RASGEF1B: variants seen among roughly 807,000 people sequenced by gnomAD.
RASGEF1B encodes the protein ras-GEF domain-containing family member 1B.
In RASGEF1B, 30 loss-of-function variants were observed where a neutral mutation model predicts 65.7. The ratio of observed to expected loss-of-function variants is 0.46; its 90% confidence interval spans 0.34 to 0.62. The LOEUF (loss-of-function observed/expected upper bound fraction) is 0.62, where lower values mean the gene tolerates loss of function less well. Among genes scored for constraint, RASGEF1B ranks in the 20% least tolerant of loss-of-function variants. The pLI, the probability that RASGEF1B is intolerant of heterozygous loss-of-function variation, is 0.01. For missense variants in RASGEF1B, 495 were observed against 580.1 expected (o/e 0.85, Z 1.51); for synonymous variants, 175 against 194.8 (o/e 0.90, Z 0.85).
intron 13 of RASGEF1B, 90 bp downstream of exon 13, chr4:81,432,209 A>G (rs1185480085): frequency 2.1e-5 from 16 of 775,860 alleles, no homozygotes; most frequent in Non-Finnish European, 3.3e-5. Context: ...GAACAGATAG[A>G]CAGCAGCTTC....
At chr4:81,452,294 G>C (rs1318665162) in intron 4 of RASGEF1B, 1 of 152,200 alleles carries the variant, frequency 6.6e-6, no homozygotes, top group East Asian at 1.9e-4. Flanking sequence ...ATCTTTGGTA[G>C]AAATGGGGTT....
chr4:81,441,185 G>A lies in RASGEF1B; in HGVS notation c.1009-256C>T, dbSNP rs556587988. On this transcript the variant is annotated intron_variant, in intron 9 of 13. Transcript: ENST00000264400. Reference sequence around the variant, plus strand: ...AAACCGCATTCTTTCTAGGCTAATTGTTGAGCTTAGATGTAAAACAAATAA... The same window carrying A: ...AAACCGCATTCTTTCTAGGCTAATTATTGAGCTTAGATGTAAAACAAATAA... 2.8e-4 allele frequency among the ~76,000 whole-genome samples: 43 copies of A among 152,246 alleles called. No homozygotes were observed. In the South Asian group the frequency reaches 7.7e-3, roughly 27 times the overall value.
intron 1 of RASGEF1B, among the ~76,000 whole-genome samples, chr4:81,468,200 A>C (rs569807565): frequency 6.6e-6 from 1 of 152,330 alleles, no homozygotes; most frequent in Non-Finnish European, 1.5e-5. Context: ...TTCTACACCT[A>C]ATTCATCTCA....
chr4:81,468,440 A>G (rs937361086), intron 1 of RASGEF1B, among the ~76,000 whole-genome samples: 1 of 152,204 alleles, frequency 6.6e-6, no homozygotes, highest in Non-Finnish European at 1.5e-5. Context: ...GTTTCCTAAT[A>G]AAGTTTGAAT....
Position 81,430,129 on chromosome 4 carries a change from G to A in RASGEF1B, c.1397+2170C>T, listed in dbSNP as rs568377636. 5.9e-5 allele frequency among the ~76,000 whole-genome samples: 9 copies of A among 152,242 alleles called. No individual in the cohort carries two copies. In the East Asian group the frequency reaches 7.8e-4, roughly 13 times the overall value. ...ATCCTGGCTAACATGGTGAAACCCC[G>A]TCTGTACTAAAGATACAAAAAATTA... is the stretch of plus-strand genomic sequence containing the variant. On this transcript the variant is annotated intron_variant, in intron 13 of 13. Coordinates refer to ENST00000264400, the MANE Select transcript of RASGEF1B (RefSeq NM_152545.3).
At chr4:81,442,889 C>T (rs1443832057) in intron 8 of RASGEF1B, among the ~76,000 whole-genome samples, 5 of 152,228 alleles carry the variant, frequency 3.3e-5, no homozygotes, top group Admixed American at 6.5e-5. Context: ...AAACCAGTGA[C>T]GGACCATATT....
chr4:81,454,392 T>C (rs1722372593), intron 4 of RASGEF1B: 2 of 152,212 alleles, frequency 1.3e-5, no homozygotes, highest in Admixed American at 1.3e-4. Context: ...ATAAGATGAC[T>C]GACATATAAT....
At chr4:81,455,521 T>C (rs1015928018) in intron 4 of RASGEF1B, 14 of 152,200 alleles carry the variant, frequency 9.2e-5, no homozygotes, top group Admixed American at 2.0e-4. Context: ...TAATGGAAAA[T>C]GCATTTTAAG....
intron 1 of RASGEF1B, among the ~76,000 whole-genome samples, chr4:81,468,894 C>T (rs1313303661): frequency 2.6e-5 from 4 of 152,172 alleles, no homozygotes; most frequent in Non-Finnish European, 4.4e-5. Flanking sequence ...GTTTTATAGA[C>T]ACTGCAGGCA....
chr4:81,430,519 A>C (rs1373004332), intron 13 of RASGEF1B, among the ~76,000 whole-genome samples: 1 of 152,174 alleles, frequency 6.6e-6, no homozygotes, highest in Non-Finnish European at 1.5e-5. Context: ...CAAGAGCTAT[A>C]AACATTCACC....
intron 10 of RASGEF1B, among the ~76,000 whole-genome samples, chr4:81,437,181 C>T (rs1462908023): frequency 6.6e-6 from 1 of 152,090 alleles, no homozygotes; most frequent in Non-Finnish European, 1.5e-5. Flanking sequence ...AAACTGTGGC[C>T]CTCAGGCCTC....
chr4:81,461,396 T>C (rs957228123), intron 1 of RASGEF1B, among the ~76,000 whole-genome samples: 2 of 152,246 alleles, frequency 1.3e-5, no homozygotes, highest in Non-Finnish European at 2.9e-5. Context: ...GTCCTTCACA[T>C]GCAGCATGAG....
At chr4:81,434,198 G>A (rs888011565) in intron 11 of RASGEF1B, among the ~76,000 whole-genome samples, 4 of 151,972 alleles carry the variant, frequency 2.6e-5, no homozygotes, top group Non-Finnish European at 4.4e-5. Context: ...GACTACAGGT[G>A]CGAACCACCA....
chr4:81,445,150 TTC>T (rs1160704949), intron 8 of RASGEF1B, among the ~76,000 whole-genome samples: 1 of 152,226 alleles, frequency 6.6e-6, no homozygotes, highest in Non-Finnish European at 1.5e-5. Flanking sequence ...ATGTACCAGT[TTC>T]TTAGGCCACT....
At position 81,442,337 on chromosome 4, in the gene RASGEF1B, G is replaced by GT; in HGVS notation, c.967dup (p.Thr323AsnfsTer11). The GT allele has an allele frequency of 8.7e-6, 14 of 1,612,058 alleles. No homozygotes were observed. The highest frequency in any genetic ancestry group is 1.1e-5 in the Non-Finnish European group (13 of 1,178,412). On this transcript the variant is annotated frameshift_variant, in exon 9 of 14. Transcript: ENST00000264400. LOFTEE classifies it high-confidence loss of function. ...TTTTGCAGTCTTCACTTTGGCCCAAGTTTTTTTTAGTCGAGAGACTGGGCT... is the reference window on the plus strand; with the variant it reads ...TTTTGCAGTCTTCACTTTGGCCCAAGTTTTTTTTTAGTCGAGAGACTGGGCT...
At chr4:81,433,695 A>G (rs753624533) in intron 12 of RASGEF1B, 145 bp downstream of exon 12, 58 of 740,416 alleles carry the variant, frequency 7.8e-5, no homozygotes, top group Non-Finnish European at 1.2e-4. Flanking sequence ...CAAATCATAC[A>G]TTTTCTGTGA....
At chr4:81,441,079 A>C in intron 9 of RASGEF1B, 150 bp from the exon 10 acceptor site, 1 of 554,990 alleles carries the variant, frequency 1.8e-6, no homozygotes. Context: ...ATACACACAA[A>C]TGCACATGAC....
intron 13 of RASGEF1B, among the ~76,000 whole-genome samples, chr4:81,431,857 TCAAA>T (rs1202239795): frequency 2.6e-5 from 4 of 152,280 alleles, no homozygotes; most frequent in Admixed American, 2.0e-4. Context: ...CCCAACTCTC[TCAAA>T]CAAAGAGGGG....
At chr4:81,439,841 G>A (rs145805706) in intron 10 of RASGEF1B, among the ~76,000 whole-genome samples, 15 of 152,134 alleles carry the variant, frequency 9.9e-5, no homozygotes, top group Non-Finnish European at 1.8e-4. Flanking sequence ...GATCTTATAA[G>A]TTTCTTTATT....
Sources: gnomAD v4.1 joint callset for allele counts (sites outside exome capture counted in the v4.1 genomes callset) on GRCh38, gnomAD v4.1.1 for gene constraint, MANE v1.5 for transcripts, NCBI Gene and HGNC (gene_info 2026-07-23, HGNC 2026-07-21) for gene names.